PALD1: variants seen among roughly 807,000 people sequenced by gnomAD.
PALD1 encodes the protein phosphatase domain containing paladin 1, also known as paladin.
Under a neutral mutation model 96.0 loss-of-function variants are expected in PALD1, and 57 were observed. The observed-to-expected ratio is 0.59, with a 90% CI of 0.48 to 0.74. The LOEUF is 0.74. Among genes scored for constraint, PALD1 ranks in the 30% least tolerant of loss-of-function variants. PALD1 has a pLI of 0.00. For synonymous variants in PALD1, 464 were observed against 473.6 expected (o/e 0.98, Z 0.26); for missense variants, 1,063 against 1,143.7 (o/e 0.93, Z 1.02).
chr10:70,529,370 T>C (rs10823560), intron 3 of PALD1, 39 bp downstream of exon 3: 150,466 of 941,998 alleles, frequency 0.16, 15,552 homozygotes, highest in East Asian at 0.46. Flanking sequence ...GCCTGCTGCC[T>C]CCCACCCCTA....
chr10:70,499,649 C>T (rs1399679903), intron 1 of PALD1, among the ~76,000 whole-genome samples: 2 of 152,258 alleles, frequency 1.3e-5, no homozygotes, highest in East Asian at 1.9e-4. Flanking sequence ...CCTGCTCCTC[C>T]CTCTGCCACT....
Position 70,492,448 on chromosome 10 carries a change from C to CCT in PALD1, c.-30+13389_-30+13390insCT, listed in dbSNP as rs1846114696. On this transcript the variant is annotated intron_variant, in intron 1 of 19. Transcript: ENST00000263563. ...TTACCAGAATTAAATGCATTTTTGA[C>CCT]TTTTTTTTTTTTTTTTTTTTTTTTT... Among the ~76,000 whole-genome samples, 10 of 80,166 alleles carry CCT rather than the reference C, an allele frequency of 1.2e-4. No homozygotes were observed. In the South Asian group the frequency reaches 4.5e-3, roughly 36 times the overall value. 52.6% of individuals were successfully genotyped at this position (80,166 alleles called of 152,430 possible). A position where few individuals can be genotyped will look rare whatever the true frequency, so the allele number is the denominator to read the frequency against.
chr10:70,475,781 G>A (rs560129085), upstream of PALD1, among the ~76,000 whole-genome samples: 26 of 152,216 alleles, frequency 1.7e-4, no homozygotes, highest in East Asian at 4.1e-3. Context: ...AAGAGCACCA[G>A]CACCTTGCTT....
intron 1 of PALD1, among the ~76,000 whole-genome samples, chr10:70,504,613 G>A (rs944678639): frequency 6.6e-6 from 1 of 152,186 alleles, no homozygotes; most frequent in African/African-American, 2.4e-5. Flanking sequence ...TATTTTTCCT[G>A]GAAAATAACT....
intron 2 of PALD1, among the ~76,000 whole-genome samples, chr10:70,528,299 A>T (rs1421983123): frequency 6.6e-6 from 1 of 152,216 alleles, no homozygotes; most frequent in Admixed American, 6.5e-5. Context: ...TACCTGGTTT[A>T]GCATCTACAG....
chr10:70,558,242 G>C lies in PALD1; in HGVS notation c.2263-6122G>C, dbSNP rs1432595213. ...AGGTCTTCAAGCATGTGGCCTCCTC[G>C]GTGGACAGGAGGCCTGGGTTCCTGC... On this transcript the variant is annotated intron_variant, in intron 18 of 19. Coordinates refer to ENST00000263563, the MANE Select transcript of PALD1 (RefSeq NM_014431.3). Among the ~76,000 whole-genome samples the C allele has an allele frequency of 7.9e-5, 12 of 152,074 alleles. No homozygotes were observed. In the East Asian group the frequency reaches 2.3e-3, roughly 29 times the overall value.
chr10:70,519,529 C>T (rs1350141763), intron 1 of PALD1, among the ~76,000 whole-genome samples: 11 of 151,878 alleles, frequency 7.2e-5, no homozygotes, highest in Admixed American at 7.2e-4. Context: ...CCAAAGCCTC[C>T]ACCTCCTAAT....
chr10:70,507,399 CG>C lies in PALD1; in HGVS notation c.-29-18523del, dbSNP rs1162293228. The stretch of plus-strand genomic sequence containing the variant: ...TGCACTCCAGCCTGGGCTACAAGAG[CG>C]AAACTCTGTCTCAAAAAACAAACAA... On this transcript the variant is annotated intron_variant, in intron 1 of 19. Coordinates refer to ENST00000263563, the MANE Select transcript of PALD1 (RefSeq NM_014431.3). Among the ~76,000 whole-genome samples the C allele has an allele frequency of 6.6e-5, 10 of 152,078 alleles. No homozygotes were observed. The East Asian group carries it at 1.9e-3, about 29-fold the overall frequency.
chr10:70,464,783 G>A, the PALD1 span, among the ~76,000 whole-genome samples: 1 of 149,934 alleles, frequency 6.7e-6, no homozygotes, highest in Non-Finnish European at 1.5e-5. Flanking sequence ...ATACCACCAC[G>A]CCCGGCTAAT....
chr10:70,474,527 A>C (rs889095072), upstream of PALD1, among the ~76,000 whole-genome samples: 4 of 152,202 alleles, frequency 2.6e-5, no homozygotes, highest in Non-Finnish European at 5.9e-5. Context: ...TGCCACCACC[A>C]CTGCACTCCA....
In PALD1 at chr10:70,540,654, T is replaced by C. The variant is rs952400474; in HGVS notation, c.1909-448T>C. Reference sequence around the variant, plus strand: ...TCTTCGCGGCTCTCACTGCCTGCGGTCTGCTGCCTCCTGGTGGCCTTGTGC... The same window carrying C: ...TCTTCGCGGCTCTCACTGCCTGCGGCCTGCTGCCTCCTGGTGGCCTTGTGC... On this transcript the variant is annotated intron_variant, in intron 15 of 19. Coordinates refer to ENST00000263563, the MANE Select transcript of PALD1 (RefSeq NM_014431.3). The surrounding 1 kb of genome is among the most constrained non-coding windows in gnomAD (Gnocchi z 4.2). Among the ~76,000 whole-genome samples, 1 of 152,134 alleles carries C rather than the reference T, an allele frequency of 6.6e-6. No homozygotes were observed. The highest frequency in any genetic ancestry group is 1.5e-5 in the Non-Finnish European group (1 of 68,012).
At chr10:70,468,277 C>G in the PALD1 span, among the ~76,000 whole-genome samples, 1 of 152,004 alleles carries the variant, frequency 6.6e-6, no homozygotes, top group East Asian at 1.9e-4. Flanking sequence ...TAGTTTTGCT[C>G]TTGTCACCCA....
intron 1 of PALD1, among the ~76,000 whole-genome samples, chr10:70,511,380 A>G (rs1846514557): frequency 6.6e-6 from 1 of 152,192 alleles, no homozygotes; most frequent in Non-Finnish European, 1.5e-5. Context: ...CTCATGGTTC[A>G]AGATGGCTGT....
intron 1 of PALD1, among the ~76,000 whole-genome samples, chr10:70,480,868 C>T (rs1845919024): frequency 6.6e-6 from 1 of 152,172 alleles, no homozygotes; most frequent in Admixed American, 6.5e-5. Context: ...TCTGTGTGGG[C>T]AGAGACGTAG....
intron 1 of PALD1, among the ~76,000 whole-genome samples, chr10:70,488,513 C>T (rs761910876): frequency 9.2e-5 from 14 of 152,200 alleles, no homozygotes; most frequent in Non-Finnish European, 1.9e-4. Context: ...CTCTGGTCCC[C>T]GTAGGTAACA....
At chr10:70,559,647 C>T (rs1324386287) in intron 18 of PALD1, among the ~76,000 whole-genome samples, 4 of 151,886 alleles carry the variant, frequency 2.6e-5, no homozygotes, top group African/African-American at 4.8e-5. Flanking sequence ...ACTGACTGGC[C>T]GTGGGGTTGA....
chr10:70,534,116 G>C, intron 8 of PALD1, 43 bp downstream of exon 8: 3 of 1,515,866 alleles, frequency 2.0e-6, no homozygotes, highest in Non-Finnish European at 2.7e-6. Flanking sequence ...CTGTGGGGCC[G>C]AGGAGGGGAC....
At chr10:70,506,624 A>T (rs1846396818) in intron 1 of PALD1, among the ~76,000 whole-genome samples, 1 of 152,080 alleles carries the variant, frequency 6.6e-6, no homozygotes, top group Non-Finnish European at 1.5e-5. Flanking sequence ...AGTGTTTGTG[A>T]TTTCAAATCC....
At chr10:70,461,915 C>T in the PALD1 span, among the ~76,000 whole-genome samples, 2 of 152,210 alleles carry the variant, frequency 1.3e-5, no homozygotes, top group East Asian at 3.8e-4. Flanking sequence ...ACCTCAGGCT[C>T]CCGAGTAGCT....
Sources: allele counts gnomAD v4.1 joint callset (sites outside exome capture counted in the v4.1 genomes callset), GRCh38; gene constraint gnomAD v4.1.1; non-coding constraint Gnocchi (gnomAD v3.1); transcripts MANE v1.5; gene names NCBI Gene and HGNC (gene_info 2026-07-23, HGNC 2026-07-21).